PTPRD: variants seen among roughly 807,000 people sequenced by gnomAD.
PTPRD encodes receptor-type tyrosine-protein phosphatase delta.
PTPRD carries 34 observed loss-of-function variants against 214.5 expected under a neutral mutation model. The observed-to-expected ratio is 0.16, with a 90% CI of 0.12 to 0.21. The LOEUF (loss-of-function observed/expected upper bound fraction) is 0.21. Among genes scored for constraint, PTPRD ranks in the 10% least tolerant of loss-of-function variants. PTPRD has a pLI of 1.00. For synonymous variants in PTPRD, 1,128 were observed against 845.7 expected (o/e 1.33, Z -5.79); for missense variants, 2,545 against 2,398.7 (o/e 1.06, Z -1.27).
chr9:9,362,459 C>CAGTTCAAGGATGAAAT (rs1294708839), intron 9 of PTPRD, among the ~76,000 whole-genome samples: 7 of 151,192 alleles, frequency 4.6e-5, no homozygotes, highest in Non-Finnish European at 1.0e-4. Flanking sequence ...AAGGATGATA[C>CAGTTCAAGGATGAAAT]AGTTCAAGGA....
intron 11 of PTPRD, among the ~76,000 whole-genome samples, chr9:8,809,381 C>T (rs1019223097): frequency 6.6e-5 from 10 of 151,984 alleles, no homozygotes; most frequent in African/African-American, 1.4e-4. Flanking sequence ...GGTGGAAAAA[C>T]GAGATTTCCA....
chr9:8,510,612 T>A (rs2097658473), intron 21 of PTPRD, among the ~76,000 whole-genome samples: 1 of 152,164 alleles, frequency 6.6e-6, no homozygotes, highest in Non-Finnish European at 1.5e-5. Flanking sequence ...GCAAAATGTG[T>A]CTACAGGCTA....
intron 3 of PTPRD, among the ~76,000 whole-genome samples, chr9:10,126,424 TATACACAC>T (rs998170127): frequency 4.4e-4 from 58 of 130,994 alleles, no homozygotes; most frequent in Middle Eastern, 4.2e-3. Flanking sequence ...CTGTTTTATA[TATACACAC>T]ACACACACAC....
chr9:8,460,946 G>A (rs2096381846), intron 32 of PTPRD, among the ~76,000 whole-genome samples: 1 of 152,142 alleles, frequency 6.6e-6, no homozygotes, highest in Non-Finnish European at 1.5e-5. Flanking sequence ...GGCGTTAGGT[G>A]CTGTGTGAAA....
intron 2 of PTPRD, among the ~76,000 whole-genome samples, chr9:10,460,895 G>A (rs966051505): frequency 1.6e-4 from 25 of 151,934 alleles, no homozygotes; most frequent in African/African-American, 4.8e-4. Flanking sequence ...TAAAAGAAAC[G>A]GCATCAAATA....
At chr9:8,507,665 AATAAGT>A (rs1459357905) in intron 21 of PTPRD, among the ~76,000 whole-genome samples, 1 of 152,244 alleles carries the variant, frequency 6.6e-6, no homozygotes, top group Non-Finnish European at 1.5e-5. Context: ...TAGTAGAACT[AATAAGT>A]ATAAAGTATA....
intron 3 of PTPRD, among the ~76,000 whole-genome samples, chr9:10,310,692 A>G (rs2096244800): frequency 6.6e-6 from 1 of 152,084 alleles, no homozygotes; most frequent in South Asian, 2.1e-4. Flanking sequence ...CTGAAACTCT[A>G]TTGTCTCCTT....
intron 12 of PTPRD, among the ~76,000 whole-genome samples, chr9:8,639,277 GATA>G (rs1186026248): frequency 2.6e-5 from 4 of 152,166 alleles, no homozygotes; most frequent in Non-Finnish European, 5.9e-5. Context: ...AATGCAAATT[GATA>G]ATAACTACTT....
chr9:10,436,101 T>C (rs1224028054), intron 2 of PTPRD, among the ~76,000 whole-genome samples: 1 of 151,848 alleles, frequency 6.6e-6, no homozygotes, highest in African/African-American at 2.4e-5. Flanking sequence ...TCAAGTTTCT[T>C]AGAAGAATAA....
intron 8 of PTPRD, among the ~76,000 whole-genome samples, chr9:9,403,459 T>C (rs1336716085): frequency 6.7e-6 from 1 of 148,162 alleles, no homozygotes; most frequent in African/African-American, 2.5e-5. Flanking sequence ...ATATCCGAAG[T>C]AAGATGCACT....
intron 41 of PTPRD, among the ~76,000 whole-genome samples, chr9:8,340,867 A>G (rs1851820044): frequency 6.6e-6 from 1 of 152,154 alleles, no homozygotes; most frequent in African/African-American, 2.4e-5. Context: ...TACATATCCA[A>G]TTGGCTTATG....
chr9:9,628,581 A>G (rs542816517), intron 7 of PTPRD, among the ~76,000 whole-genome samples: 2 of 152,258 alleles, frequency 1.3e-5, no homozygotes, highest in East Asian at 3.9e-4. Flanking sequence ...ATTATTCCAA[A>G]GATATTTCAG....
chr9:9,303,578 T>A (rs1286153893), intron 9 of PTPRD, among the ~76,000 whole-genome samples: 1 of 152,118 alleles, frequency 6.6e-6, no homozygotes, highest in Non-Finnish European at 1.5e-5. Flanking sequence ...TTATGTGGAT[T>A]TTACTAAATG....
chr9:8,754,526 G>C (rs978218343), intron 11 of PTPRD, among the ~76,000 whole-genome samples: 2 of 152,166 alleles, frequency 1.3e-5, no homozygotes, highest in Non-Finnish European at 2.9e-5. Context: ...TCAATCAGTG[G>C]TGATGGGTTA....
chr9:9,977,461 T>C (rs1325170858), intron 4 of PTPRD, among the ~76,000 whole-genome samples: 1 of 152,184 alleles, frequency 6.6e-6, no homozygotes, highest in Non-Finnish European at 1.5e-5. Context: ...GTTTAAGTTT[T>C]TAATGTTGAA....
Position 10,314,772 on chromosome 9 carries a change from T to C in PTPRD, c.-545+26191A>G, listed in dbSNP as rs147665123. ...GATCAACACTATCCACTAGCCACTA[T>C]TGATAGACTATTTTGAATGAATGGT... is the stretch of plus-strand genomic sequence containing the variant. On this transcript the variant is annotated intron_variant, in intron 3 of 45. Transcript: ENST00000381196. Among the ~76,000 whole-genome samples, 74 of 152,078 alleles carry C rather than the reference T, an allele frequency of 4.9e-4. 1 individual carries two copies. Among genetic ancestry groups the C allele is most frequent in the African/African-American group, 1.7e-3 (69 of 41,542 alleles).
intron 10 of PTPRD, among the ~76,000 whole-genome samples, chr9:9,165,406 G>A (rs1169882618): frequency 6.6e-6 from 1 of 152,174 alleles, no homozygotes. Flanking sequence ...AGTCAGATGA[G>A]AAATAGCATT....
intron 3 of PTPRD, among the ~76,000 whole-genome samples, chr9:10,206,622 T>A (rs1419631293): frequency 1.3e-5 from 2 of 152,198 alleles, no homozygotes; most frequent in Non-Finnish European, 2.9e-5. Flanking sequence ...GAATTATATC[T>A]CAACTAAGGT....
chr9:10,344,804 CACGCATGATTT>C (rs1003116215), intron 2 of PTPRD, among the ~76,000 whole-genome samples: 1 of 152,086 alleles, frequency 6.6e-6, no homozygotes, highest in Non-Finnish European at 1.5e-5. Context: ...AATGGGAGTT[CACGCATGATTT>C]GGTTCTCTGT....
Sources: gnomAD v4.1 joint callset for allele counts (sites outside exome capture counted in the v4.1 genomes callset) on GRCh38, gnomAD v4.1.1 for gene constraint, MANE v1.5 for transcripts, NCBI Gene and HGNC (gene_info 2026-07-23, HGNC 2026-07-21) for gene names.